TKTL1: variants seen among roughly 807,000 people sequenced by gnomAD.
TKTL1 encodes transketolase-like protein 1.
A neutral mutation model predicts 39.3 loss-of-function variants in TKTL1; 1 was observed. The ratio of observed to expected loss-of-function variants is 0.03; its 90% CI spans 0.01 to 0.12. TKTL1 has a LOEUF of 0.12. Ranked by LOEUF, TKTL1 falls within the 10% of genes least tolerant of loss-of-function variation. The pLI, the probability that TKTL1 is intolerant of heterozygous loss-of-function variation, is 1.00. For missense variants in TKTL1, 575 were observed against 509.6 expected, an observed-to-expected ratio of 1.13 and a Z score of -1.24; for synonymous variants, 262 against 193.8, an observed-to-expected ratio of 1.35 and a Z score of -2.92.
At chrX:154,317,529 T>C (rs1236375017) in intron 7 of TKTL1, among the ~76,000 whole-genome samples, 3 of 112,342 alleles carry the variant, frequency 2.7e-5, no homozygotes, top group East Asian at 2.8e-4. Context: ...CGGGGTCTTA[T>C]AGGCGCCCTT....
In TKTL1 at chrX:154,312,666, C is replaced by G; in HGVS notation, c.757C>G (p.Gln253Glu). 8.3e-7 allele frequency: 1 copy of G among 1,211,719 alleles called. No homozygotes were observed. Among genetic ancestry groups the G allele is most frequent in the Non-Finnish European group, 1.1e-6 (1 of 895,406 alleles). ...AIIKLIESQI[Q>E]TSRNLDPQPP... ...TATCAAATTAATTGAGAGCCAGATA[C>G]AGACCAGCAGGAATCTTGACCCACA... is the stretch of plus-strand genomic sequence containing the variant. Residue 253 changes from glutamine (Q) to glutamate (E), a missense_variant, in exon 6 of 13, where the codon CAG becomes GAG. By Grantham distance (29) the Gln-to-Glu change is conservative (BLOSUM62 2). Coordinates refer to ENST00000369915, the MANE Select transcript of TKTL1 (RefSeq NM_012253.4).
At chrX:154,309,525 C>CACATCACGGAGATAG in intron 3 of TKTL1, 83 bp downstream of exon 3, 2 of 847,849 alleles carry the variant, frequency 2.4e-6, no homozygotes, top group Non-Finnish European at 3.5e-6. Flanking sequence ...CACCTATCTC[C>CACATCACGGAGATAG]GTGATGTGGA....
Position 154,320,707 on chromosome X carries a change from G to GA in TKTL1, c.1030-50_1030-49insA, listed in dbSNP as rs782629168. ...TCATGGGGACTGTGGGAGAAGGGGC[G>GA]GTGGGGGCAATGCCCAGGGATGTTC... On this transcript the variant is annotated intron_variant, in intron 7 of 12. Transcript: ENST00000369915. The GA allele has an allele frequency of 2.7e-4, 320 of 1,166,194 alleles. No individual in the cohort carries two copies. The African/African-American group carries it at 5.0e-3, about 18-fold the overall frequency.
rs1176112265 is a variant in TKTL1, at chrX:154,325,326, A to G, written c.1318-13A>G. 53 of 1,202,792 alleles carry G rather than the reference A, an allele frequency of 4.4e-5. No homozygotes were observed. Among genetic ancestry groups the G allele is most frequent in the Non-Finnish European group, 5.7e-5 (51 of 888,369 alleles). On this transcript the variant is annotated splice_polypyrimidine_tract_variant and intron_variant, in intron 9 of 12. Transcript: ENST00000369915. ...GTTTGCTTTTCTAAACCATGGCTCC[A>G]TTTATGCCCTAGGGGATGTGCTTCA...
At position 154,319,608 on chromosome X, in the gene TKTL1, G is replaced by A. The variant is rs140405570; in HGVS notation, c.1030-1149G>A. On this transcript the variant is annotated intron_variant, in intron 7 of 12. Coordinates refer to ENST00000369915, the MANE Select transcript of TKTL1 (RefSeq NM_012253.4). ...ACAAAAATTAGCCAGACGTGGTGGC[G>A]GGTGCCTGTAATCCCAGCTACTCGG... is the stretch of plus-strand genomic sequence containing the variant. 7.4e-4 allele frequency among the ~76,000 whole-genome samples: 82 copies of A among 111,131 alleles called. 1 individual carries two copies. In the East Asian group the frequency reaches 0.02, roughly 27 times the overall value.
At position 154,320,908 on chromosome X, in the gene TKTL1, C is replaced by T. The variant is rs782820168; in HGVS notation, c.1181C>T (p.Ser394Phe). 1.2e-5 allele frequency: 14 copies of T among 1,211,404 alleles called. No individual in the cohort carries two copies. The highest frequency in any genetic ancestry group is 3.0e-5 in the East Asian group (1 of 33,859). ...ATTATTGGTTCCCACTGTGGGGTAT[C>T]TGTTGGTAAGGGTTCTAAATGCCAT... ...INIIGSHCGV[S>F]VGDDGASQMA... The change falls in exon 8 of 13, where the codon TCT (serine) becomes TTT (phenylalanine). Residue 394 changes from serine to phenylalanine, a missense_variant. Transcript: ENST00000369915.
chrX:154,311,979 C>A (rs2067361479), intron 5 of TKTL1, among the ~76,000 whole-genome samples: 1 of 110,868 alleles, frequency 9.0e-6, no homozygotes, highest in African/African-American at 3.3e-5. Flanking sequence ...TGTTGCCACA[C>A]CCATCATCTC....
At position 154,305,419 on chromosome X, in the gene TKTL1, A is replaced by C; in HGVS notation, c.250A>C (p.Lys84Gln). 8.3e-7 allele frequency: 1 copy of C among 1,206,893 alleles called. No individual in the cohort carries two copies. Among genetic ancestry groups the C allele is most frequent in the South Asian group, 1.8e-5 (1 of 56,705 alleles). Residue 84 changes from lysine (K) to glutamine (Q), a missense_variant and splice_region_variant, in exon 2 of 13, where the codon AAG becomes CAG. By Grantham distance (53) the Lys-to-Gln change is moderately conservative (BLOSUM62 1). Transcript: ENST00000369915. ...NPDNDRFVLA[K>Q]RLSFVDVATG... ...GGACAACGACCGATTTGTCCTCGCA[A>C]AGGTATGCCGGTGGGGAGCCCAGGG...
intron 1 of TKTL1, among the ~76,000 whole-genome samples, chrX:154,297,208 G>A (rs1283382158): frequency 5.4e-5 from 6 of 111,324 alleles, no homozygotes; most frequent in African/African-American, 2.0e-4. Context: ...GCGGTTGATG[G>A]TTTTTGCATC....
chrX:154,323,356 T>C lies in TKTL1; in HGVS notation c.1317+19T>C. 2 of 1,209,230 alleles carry C rather than the reference T, an allele frequency of 1.7e-6. No homozygotes were observed. Among genetic ancestry groups the C allele is most frequent in the Non-Finnish European group, 2.2e-6 (2 of 894,005 alleles). Reference sequence around the variant, plus strand: ...TGCCAAGGTATTTTTAAGGGGACACTAGTTTCAGACAGAAAATGCTTCTGG... The same window carrying C: ...TGCCAAGGTATTTTTAAGGGGACACCAGTTTCAGACAGAAAATGCTTCTGG... On this transcript the variant is annotated intron_variant, in intron 9 of 12. Transcript: ENST00000369915.
At chrX:154,303,936 T>C (rs782363806) in intron 1 of TKTL1, among the ~76,000 whole-genome samples, 5 of 107,782 alleles carry the variant, frequency 4.6e-5, no homozygotes, top group Non-Finnish European at 9.6e-5. Context: ...CTTCTGAGAA[T>C]TGTGATTTTC....
chrX:154,325,506 AG>A, intron 10 of TKTL1, 84 bp downstream of exon 10: 2 of 826,539 alleles, frequency 2.4e-6, no homozygotes, highest in Non-Finnish European at 3.6e-6. Flanking sequence ...CTATCTTCAG[AG>A]TTGAGACATC....
chrX:154,303,379 ATT>A (rs1172255094), intron 1 of TKTL1, among the ~76,000 whole-genome samples: 156 of 33,632 alleles, frequency 4.6e-3, no homozygotes, highest in African/African-American at 0.02. Flanking sequence ...TGCCCAGCTA[ATT>A]TTTTTTTTTT....
chrX:154,302,252 A>C (rs1399964905), intron 1 of TKTL1, among the ~76,000 whole-genome samples: 2 of 110,811 alleles, frequency 1.8e-5, no homozygotes, highest in African/African-American at 6.6e-5. Context: ...CATTTTGTCC[A>C]ATAGTCCTAA....
Position 154,297,914 on chromosome X carries a change from T to A in TKTL1, c.134+1921T>A, listed in dbSNP as rs782218648. 3.0e-3 allele frequency among the ~76,000 whole-genome samples: 332 copies of A among 110,879 alleles called. 2 individuals are homozygous for A. Among genetic ancestry groups the A allele is most frequent in the African/African-American group, 6.9e-3 (209 of 30,457 alleles). ...GCGAGACCTTGTAGAGAAAAAAAAA[T>A]TTTTTTTTGAGGAGTTTGAAGAAGA... On this transcript the variant is annotated intron_variant, in intron 1 of 12. Transcript: ENST00000369915.
Position 154,329,502 on chromosome X carries a change from C to T in TKTL1, c.1619-14C>T, listed in dbSNP as rs782059684. 1 of 1,209,079 alleles carries T rather than the reference C, an allele frequency of 8.3e-7. No homozygotes were observed. Among genetic ancestry groups the T allele is most frequent in the Admixed American group, 2.2e-5 (1 of 46,000 alleles). ...CTGCTTTCACAAAAGGGCCTAACAT[C>T]CTTGTTTCCCCAGGTGGCATCGGGG... On this transcript the variant is annotated splice_polypyrimidine_tract_variant and intron_variant, in intron 12 of 12. Transcript: ENST00000369915.
rs781941110 is a variant in TKTL1, at chrX:154,328,521, G to A, written c.1618+563G>A. Among the ~76,000 whole-genome samples the A allele has an allele frequency of 7.0e-5, 5 of 71,623 alleles. No individual in the cohort carries two copies. The East Asian group carries it at 2.7e-3, about 38-fold the overall frequency. 62.2% of individuals were successfully genotyped at this position (71,623 alleles called of 115,157 possible). On this transcript the variant is annotated intron_variant, in intron 12 of 12. Coordinates refer to ENST00000369915, the MANE Select transcript of TKTL1 (RefSeq NM_012253.4). ...GGATCATACCATTGCACTCCAGCTT[G>A]GGAAACAGAGTGAGACTCTGCCTCA...
chrX:154,310,348 T>C (rs1303587273), intron 3 of TKTL1, among the ~76,000 whole-genome samples: 2 of 111,169 alleles, frequency 1.8e-5, no homozygotes, highest in East Asian at 2.9e-4. Flanking sequence ...GGCAGGAGAA[T>C]TGCTTGAACC....
intron 9 of TKTL1, among the ~76,000 whole-genome samples, chrX:154,323,562 CTCAG>C (rs1301649063): frequency 1.8e-5 from 2 of 112,278 alleles, no homozygotes; most frequent in African/African-American, 3.2e-5. Context: ...GACAGCCTGT[CTCAG>C]TCAGGGTTTA....
Sources: gnomAD v4.1 joint callset for allele counts (sites outside exome capture counted in the v4.1 genomes callset) on GRCh38, gnomAD v4.1.1 for gene constraint, MANE v1.5 for transcripts, NCBI Gene and HGNC (gene_info 2026-07-23, HGNC 2026-07-21) for gene names.